Variants in CCDC138 observed in about 807,000 individuals in gnomAD.
CCDC138 encodes the protein coiled-coil domain containing 138, also known as coiled-coil domain-containing protein 138.
A neutral mutation model predicts 82.3 loss-of-function variants in CCDC138; 66 were observed. The ratio of observed to expected loss-of-function variants is 0.80; its 90% CI spans 0.66 to 0.98. The LOEUF (loss-of-function observed/expected upper bound fraction) is 0.98, where lower values mean the gene tolerates loss of function less well. Ranked by LOEUF, CCDC138 falls within the 50% of genes least tolerant of loss-of-function variation. The pLI, the probability that CCDC138 is intolerant of heterozygous loss-of-function variation, is 0.00. For synonymous variants in CCDC138, 297 were observed against 265.4 expected, an observed-to-expected ratio of 1.12 and a Z score of -1.16; for missense variants, 816 against 758.9, an observed-to-expected ratio of 1.08 and a Z score of -0.88.
At position 108,798,708 on chromosome 2, in the gene CCDC138, T is replaced by TACAC. The variant is rs34242205; in HGVS notation, c.735+151_735+154dup. 2,675 of 429,020 alleles carry TACAC rather than the reference T, an allele frequency of 6.2e-3. 36 individuals carry two copies. Among genetic ancestry groups the TACAC allele is most frequent in the African/African-American group, 0.04 (1,809 of 45,152 alleles). The allele number at this position is 429,020 out of a possible 1,614,324, so 26.6% of individuals were successfully genotyped here. A position where few individuals can be genotyped will look rare whatever the true frequency, so the allele number is the denominator to read the frequency against. On this transcript the variant is annotated intron_variant, in intron 6 of 14. Coordinates refer to ENST00000295124, the MANE Select transcript of CCDC138 (RefSeq NM_144978.3). ...TTCCCTTCCTCCTCCTCTCCACGCC[T>TACAC]ACACACACACACACACACACACACA... is the stretch of plus-strand genomic sequence containing the variant.
intron 10 of CCDC138, among the ~76,000 whole-genome samples, chr2:108,830,370 C>T (rs966584226): frequency 1.3e-5 from 2 of 152,136 alleles, no homozygotes; most frequent in Admixed American, 1.3e-4. Flanking sequence ...ACACTTAATG[C>T]CATTGGTAAA....
intron 3 of CCDC138, among the ~76,000 whole-genome samples, chr2:108,791,041 C>A (rs1407771233): frequency 6.6e-6 from 1 of 152,152 alleles, no homozygotes; most frequent in Non-Finnish European, 1.5e-5. Flanking sequence ...AGATCACAGG[C>A]GTGAGCCACC....
At chr2:108,849,627 C>A (rs1465422945) in intron 12 of CCDC138, among the ~76,000 whole-genome samples, 1 of 152,126 alleles carries the variant, frequency 6.6e-6, no homozygotes, top group African/African-American at 2.4e-5. Context: ...AACAGATACC[C>A]TTTAAAGCTG....
chr2:108,873,542 A>G lies in CCDC138; in HGVS notation c.1785A>G (p.Gln595=), dbSNP rs764892102. The change falls in exon 14 of 15, where the codon CAA becomes CAG. Residue 595 remains glutamine (Q), a synonymous_variant. Coordinates refer to ENST00000295124, the MANE Select transcript of CCDC138 (RefSeq NM_144978.3). ...VLLRAPKLDL[Q]ILEKLSIILQ... ...TTCGAGCCCCTAAGCTTGATCTTCA[A>G]ATACTAGAAAAACTCAGTATTATTT... 2.2e-5 allele frequency: 35 copies of G among 1,611,628 alleles called. No individual in the cohort carries two copies. In the African/African-American group the frequency reaches 4.0e-4, roughly 18 times the overall value.
At chr2:108,837,246 G>A (rs1344806767) in intron 10 of CCDC138, among the ~76,000 whole-genome samples, 1 of 152,122 alleles carries the variant, frequency 6.6e-6, no homozygotes, top group African/African-American at 2.4e-5. Context: ...TATCATGAAA[G>A]GGCGTTGAAT....
chr2:108,833,573 C>G (rs192972794), intron 10 of CCDC138, among the ~76,000 whole-genome samples: 280 of 152,198 alleles, frequency 1.8e-3, no homozygotes, highest in Middle Eastern at 3.4e-3. Flanking sequence ...CAAAGGTCAG[C>G]AAACCCTTTT....
At chr2:108,788,733 GA>G (rs1206460775) in intron 2 of CCDC138, 118 bp from the exon 3 acceptor site, 42 of 1,377,626 alleles carry the variant, frequency 3.0e-5, no homozygotes, top group Middle Eastern at 2.6e-4. Context: ...GAAAAAAAAA[GA>G]AAAAAAAATT....
intron 10 of CCDC138, 29 bp from the exon 11 acceptor site, chr2:108,839,156 G>T (rs763896273): frequency 6.3e-7 from 1 of 1,578,646 alleles, no homozygotes; most frequent in Admixed American, 1.8e-5. Context: ...CTGTGCCTTT[G>T]TATTTATTTT....
At chr2:108,852,913 C>G (rs1048674282) in intron 12 of CCDC138, among the ~76,000 whole-genome samples, 16 of 152,090 alleles carry the variant, frequency 1.1e-4, no homozygotes, top group Non-Finnish European at 2.2e-4. Flanking sequence ...AAAAACCCAA[C>G]CATTACAGAA....
intron 7 of CCDC138, among the ~76,000 whole-genome samples, chr2:108,810,565 A>G (rs975130949): frequency 1.3e-5 from 2 of 152,058 alleles, no homozygotes; most frequent in African/African-American, 2.4e-5. Context: ...TTGGTTTGCT[A>G]ATATTTTGTT....
At chr2:108,791,865 C>T (rs549571075) in intron 4 of CCDC138, 63 bp downstream of exon 4, 2 of 1,465,194 alleles carry the variant, frequency 1.4e-6, no homozygotes, top group African/African-American at 1.4e-5. Flanking sequence ...GTAAATGAAG[C>T]TTCCCTCCTA....
chr2:108,798,952 A>C (rs760398592), intron 6 of CCDC138, among the ~76,000 whole-genome samples: 1 of 152,108 alleles, frequency 6.6e-6, no homozygotes, highest in African/African-American at 2.4e-5. Context: ...TCTCCAGACC[A>C]TTAGCGCATA....
chr2:108,851,635 A>C (rs1008050701), intron 12 of CCDC138, among the ~76,000 whole-genome samples: 23 of 152,090 alleles, frequency 1.5e-4, no homozygotes, highest in African/African-American at 5.3e-4. Flanking sequence ...GCTTCCTGAC[A>C]TCACAATTCT....
rs183590680 is a variant in CCDC138 at position 108,831,801 on chromosome 2, C to T, written c.1207-7384C>T. ...AGGCTGGAGCGCAATGGCATGATCT[C>T]GGCCCACTGCAACTACTGCCTCCTG... On this transcript the variant is annotated intron_variant, in intron 10 of 14. Coordinates refer to ENST00000295124, the MANE Select transcript of CCDC138 (RefSeq NM_144978.3). Among the ~76,000 whole-genome samples the T allele has an allele frequency of 1.2e-3, 175 of 151,952 alleles. 1 individual carries two copies. The highest frequency in any genetic ancestry group is 4.1e-3 in the African/African-American group (168 of 41,338).
rs1573873864 is a variant in CCDC138 at position 108,786,797 on chromosome 2, G to A, written c.-26G>A. 3 of 1,569,392 alleles carry A rather than the reference G, an allele frequency of 1.9e-6. No individual in the cohort carries two copies. The highest frequency in any genetic ancestry group is 2.6e-6 in the Non-Finnish European group (3 of 1,156,008). ...CGGGTTTGATGAACGCGGTTCCCGG[G>A]GAGACTGGTACGGTTGCTGTGTGCT... On this transcript the variant is annotated 5_prime_UTR_variant, in exon 1 of 15. Coordinates refer to ENST00000295124, the MANE Select transcript of CCDC138 (RefSeq NM_144978.3).
intron 1 of CCDC138, among the ~76,000 whole-genome samples, 199 bp downstream of exon 1, chr2:108,787,114 C>T (rs1437415311): frequency 6.6e-6 from 1 of 152,124 alleles, no homozygotes; most frequent in Non-Finnish European, 1.5e-5. Flanking sequence ...GGTGCCGCTT[C>T]ACCTATGCCT....
At chr2:108,833,657 A>G (rs1373022143) in intron 10 of CCDC138, among the ~76,000 whole-genome samples, 1 of 152,176 alleles carries the variant, frequency 6.6e-6, no homozygotes, top group East Asian at 1.9e-4. Context: ...CAGTACTTAC[A>G]TAATAAGAAA....
At chr2:108,818,236 G>C (rs1049862356) in intron 10 of CCDC138, among the ~76,000 whole-genome samples, 2 of 152,128 alleles carry the variant, frequency 1.3e-5, no homozygotes, top group African/African-American at 4.8e-5. Context: ...AACCTGGGGG[G>C]GTCGAGGCTG....
At chr2:108,850,126 C>T (rs927838705) in intron 12 of CCDC138, among the ~76,000 whole-genome samples, 3 of 152,076 alleles carry the variant, frequency 2.0e-5, no homozygotes, top group African/African-American at 7.2e-5. Flanking sequence ...TATCCTTTAT[C>T]GTTAAATATA....
Sources: gnomAD v4.1 joint callset for allele counts (sites outside exome capture counted in the v4.1 genomes callset) on GRCh38, gnomAD v4.1.1 for gene constraint, MANE v1.5 for transcripts, NCBI Gene and HGNC (gene_info 2026-07-23, HGNC 2026-07-21) for gene names.